Variants in MELK observed in about 807,000 individuals in gnomAD.
The protein encoded by MELK is maternal embryonic leucine zipper kinase.
MELK carries 81 observed loss-of-function variants against 85.0 expected under a neutral mutation model. That is an observed-to-expected ratio of 0.95 (90% CI 0.80 to 1.15). The LOEUF is 1.15. Among genes scored for constraint, MELK ranks in the 50% most tolerant of loss-of-function variants. MELK has a pLI of 0.00. For missense variants in MELK, 754 were observed against 777.5 expected (o/e 0.97, Z 0.36); for synonymous variants, 252 against 265.0 (o/e 0.95, Z 0.48).
At chr9:36,670,489 A>G (rs558842722) in intron 15 of MELK, among the ~76,000 whole-genome samples, 3 of 152,080 alleles carry the variant, frequency 2.0e-5, no homozygotes, top group African/African-American at 7.2e-5. Flanking sequence ...ATATGTTCAG[A>G]TGAGTTACTT....
At chr9:36,655,638 G>A (rs1443795077) in intron 12 of MELK, among the ~76,000 whole-genome samples, 1 of 152,194 alleles carries the variant, frequency 6.6e-6, no homozygotes, top group Admixed American at 6.5e-5. Flanking sequence ...ATCCAGTGGT[G>A]TATACGATTG....
intron 8 of MELK, among the ~76,000 whole-genome samples, chr9:36,618,139 G>A (rs28815523): frequency 2.0e-5 from 3 of 148,382 alleles, no homozygotes; most frequent in African/African-American, 5.0e-5. Context: ...AAAAAAAAAA[G>A]GGCCCAGTGG....
intron 7 of MELK, 30 bp downstream of exon 7, chr9:36,599,516 A>T: frequency 6.5e-7 from 1 of 1,540,852 alleles, no homozygotes; most frequent in Non-Finnish European, 9.0e-7. Flanking sequence ...TTCATTATAT[A>T]ATCAGCAGAC....
intron 13 of MELK, among the ~76,000 whole-genome samples, chr9:36,660,592 G>A (rs1831708799): frequency 6.6e-6 from 1 of 152,050 alleles, no homozygotes. Flanking sequence ...AAAGTGCTGG[G>A]ATTACAGGCG....
chr9:36,631,785 T>C (rs1828659740), intron 9 of MELK, among the ~76,000 whole-genome samples: 1 of 152,072 alleles, frequency 6.6e-6, no homozygotes, highest in African/African-American at 2.4e-5. Context: ...TTTGGTTGTT[T>C]TTAAATTTTA....
At chr9:36,628,654 G>A (rs1470609843) in intron 8 of MELK, among the ~76,000 whole-genome samples, 3 of 151,728 alleles carry the variant, frequency 2.0e-5, no homozygotes, top group East Asian at 4.0e-4. Flanking sequence ...TCTTGACCTC[G>A]TGATCCACCT....
chr9:36,614,645 G>C (rs1207219966), intron 8 of MELK, among the ~76,000 whole-genome samples: 3 of 113,920 alleles, frequency 2.6e-5, no homozygotes, highest in African/African-American at 7.4e-5. Context: ...GACTCTTAAC[G>C]AGCATGCTGC....
rs767857465 is a variant in MELK at position 36,669,305 on chromosome 9, A to G, written c.1409-5A>G. 1 of 1,593,316 alleles carries G rather than the reference A, an allele frequency of 6.3e-7. No individual in the cohort carries two copies. Among genetic ancestry groups the G allele is most frequent in the East Asian group, 2.2e-5 (1 of 44,566 alleles). ...TATGGATTGTGTTTGTTCTGTTTCTAATAGCTAGAAACCAGTGCCTGAAAG... is the reference window on the plus strand; with the variant it reads ...TATGGATTGTGTTTGTTCTGTTTCTGATAGCTAGAAACCAGTGCCTGAAAG... On this transcript the variant is annotated splice_polypyrimidine_tract_variant and splice_region_variant and intron_variant, in intron 14 of 17. Coordinates refer to ENST00000298048, the MANE Select transcript of MELK (RefSeq NM_014791.4).
intron 8 of MELK, among the ~76,000 whole-genome samples, chr9:36,611,083 C>T (rs969925580): frequency 6.6e-6 from 1 of 152,188 alleles, no homozygotes; most frequent in Non-Finnish European, 1.5e-5. Flanking sequence ...GTATAATGCA[C>T]ATATTCCAAA....
rs546451295 is a variant in MELK, at chr9:36,658,192, T to G, written c.1176+829T>G. On this transcript the variant is annotated intron_variant, in intron 13 of 17. Coordinates refer to ENST00000298048, the MANE Select transcript of MELK (RefSeq NM_014791.4). ...ATGAAGATTAAGTATAGATTAATGTTTTTTATCAAATTTGGGAAGTTTTCA... is the reference window on the plus strand; with the variant it reads ...ATGAAGATTAAGTATAGATTAATGTGTTTTATCAAATTTGGGAAGTTTTCA... 2.6e-5 allele frequency among the ~76,000 whole-genome samples: 4 copies of G among 152,282 alleles called. No individual in the cohort carries two copies. The East Asian group carries it at 7.7e-4, about 29-fold the overall frequency.
chr9:36,670,670 C>T (rs191643489), intron 15 of MELK, among the ~76,000 whole-genome samples: 5 of 151,288 alleles, frequency 3.3e-5, no homozygotes, highest in Admixed American at 1.3e-4. Context: ...AAAATATGAA[C>T]AATTGTTGAA....
chr9:36,623,764 TG>T (rs2136281749), intron 8 of MELK, among the ~76,000 whole-genome samples: 1 of 152,368 alleles, frequency 6.6e-6, no homozygotes, highest in African/African-American at 2.4e-5. Flanking sequence ...TGTCCATCTC[TG>T]GCCCTCAAAA....
At chr9:36,604,171 G>T (rs1044260209) in intron 7 of MELK, among the ~76,000 whole-genome samples, 4 of 149,574 alleles carry the variant, frequency 2.7e-5, no homozygotes, top group Non-Finnish European at 5.9e-5. Flanking sequence ...GTTTCTCCAT[G>T]TTGGTCAGGC....
At position 36,589,640 on chromosome 9, in the gene MELK, C is replaced by T. The variant is rs1000485883; in HGVS notation, c.249C>T (p.Phe83=). Residue 83 remains phenylalanine (F), a synonymous_variant, in exon 4 of 18, where the codon TTC becomes TTT. Transcript: ENST00000298048. ...YHVLETANKI[F]MVLEYCPGGE... ...TGCTAGAGACAGCCAACAAAATATT[C>T]ATGGTTCTTGAGGTTAGTAGTATGT... 1 of 1,608,568 alleles carries T rather than the reference C, an allele frequency of 6.2e-7. No homozygotes were observed. Among genetic ancestry groups the T allele is most frequent in the Non-Finnish European group, 8.5e-7 (1 of 1,175,024 alleles).
intron 13 of MELK, among the ~76,000 whole-genome samples, chr9:36,662,027 C>T (rs1358691220): frequency 4.6e-5 from 7 of 150,722 alleles, no homozygotes; most frequent in South Asian, 2.1e-4. Flanking sequence ...TTGAATTGAG[C>T]GCTTACCCAA....
In MELK at chr9:36,627,358, G is replaced by A. The variant is rs148245132; in HGVS notation, c.667-2941G>A. Reference sequence around the variant, plus strand: ...TCAAACAATGAATCTAAAAAGAAAGGGTCAAAAATCAGCCTCTCTGATGAG... The same window carrying A: ...TCAAACAATGAATCTAAAAAGAAAGAGTCAAAAATCAGCCTCTCTGATGAG... On this transcript the variant is annotated intron_variant, in intron 8 of 17. Transcript: ENST00000298048. 2.5e-3 allele frequency among the ~76,000 whole-genome samples: 381 copies of A among 152,092 alleles called. 1 individual carries two copies. Among genetic ancestry groups the A allele is most frequent in the African/African-American group, 8.7e-3 (361 of 41,486 alleles).
chr9:36,652,961 A>G (rs1830860309), intron 12 of MELK, among the ~76,000 whole-genome samples: 2 of 152,166 alleles, frequency 1.3e-5, no homozygotes, highest in African/African-American at 2.4e-5. Context: ...TATGGAATAT[A>G]TAATACTTTA....
intron 10 of MELK, among the ~76,000 whole-genome samples, chr9:36,638,910 C>T (rs527961324): frequency 6.6e-6 from 1 of 152,260 alleles, no homozygotes; most frequent in East Asian, 1.9e-4. Context: ...TTTAAACGCA[C>T]ACCGAAGGGT....
intron 7 of MELK, among the ~76,000 whole-genome samples, chr9:36,605,501 T>C (rs979230261): frequency 2.0e-5 from 3 of 152,092 alleles, no homozygotes; most frequent in African/African-American, 7.2e-5. Context: ...TGTGAGCCAC[T>C]GCACCTGATC....
Sources: allele counts gnomAD v4.1 joint callset (sites outside exome capture counted in the v4.1 genomes callset), GRCh38; gene constraint gnomAD v4.1.1; transcripts MANE v1.5; gene names NCBI Gene and HGNC (gene_info 2026-07-23, HGNC 2026-07-21).